The following DPY19L3 variants were observed in gnomAD, a reference collection of about 807,000 sequenced individuals.
DPY19L3 encodes dpy-19 like C-mannosyltransferase 3, also known as protein C-mannosyl-transferase DPY19L3.
In DPY19L3, 51 loss-of-function variants were observed where a neutral mutation model predicts 92.3. The observed-to-expected ratio is 0.55, with a 90% CI of 0.44 to 0.70. DPY19L3 has a LOEUF of 0.70. Ranked by LOEUF, DPY19L3 falls within the 30% of genes least tolerant of loss-of-function variation. DPY19L3 has a pLI of 0.00. For missense variants in DPY19L3, 706 were observed against 855.9 expected, an observed-to-expected ratio of 0.82 and a Z score of 2.18; for synonymous variants, 309 against 315.2, an observed-to-expected ratio of 0.98 and a Z score of 0.21.
At chr19:32,410,436 T>A (rs958906883) in intron 2 of DPY19L3, among the ~76,000 whole-genome samples, 1 of 152,214 alleles carries the variant, frequency 6.6e-6, no homozygotes, top group Middle Eastern at 3.4e-3. Flanking sequence ...ATTCTGTGGG[T>A]TTTTCCCCCC....
At chr19:32,433,374 G>A (rs1969031954) in intron 4 of DPY19L3, among the ~76,000 whole-genome samples, 1 of 152,124 alleles carries the variant, frequency 6.6e-6, no homozygotes, top group Admixed American at 6.5e-5. Context: ...GGCTTTATTT[G>A]GAGTCAGCTT....
intron 3 of DPY19L3, among the ~76,000 whole-genome samples, chr19:32,420,354 G>T (rs536747042): frequency 6.6e-6 from 1 of 152,270 alleles, no homozygotes; most frequent in South Asian, 2.1e-4. Flanking sequence ...ATGACTTCCG[G>T]AGCTTGCCTT....
intron 3 of DPY19L3, among the ~76,000 whole-genome samples, chr19:32,418,167 C>A (rs1169398675): frequency 6.6e-6 from 1 of 152,218 alleles, no homozygotes; most frequent in Non-Finnish European, 1.5e-5. Flanking sequence ...TTTCCCCACC[C>A]ACCACCCTTG....
intron 3 of DPY19L3, among the ~76,000 whole-genome samples, chr19:32,423,370 G>C (rs1729000952): frequency 6.7e-6 from 1 of 148,380 alleles, no homozygotes; most frequent in African/African-American, 2.5e-5. Context: ...CCAGTACTTG[G>C]GATTATAGGC....
Position 32,463,398 on chromosome 19 carries a change from T to C in DPY19L3, c.1355T>C (p.Met452Thr), listed in dbSNP as rs1474537599. The change falls in exon 13 of 19, where the codon ATG becomes ACG. Residue 452 changes from methionine to threonine, a missense_variant. Physicochemically the swap from Met to Thr is moderately conservative, Grantham distance 81. Coordinates refer to ENST00000392250, the MANE Select transcript of DPY19L3 (RefSeq NM_001172774.2). ...DSTNQQSVGK[M>T]EKGTVDLKPE... The stretch of plus-strand genomic sequence containing the variant: ...ACAAATCAACAATCCGTGGGTAAAA[T>C]GGAAAAAGGCACAGTTGACCTGAAA... The C allele has an allele frequency of 1.9e-6, 3 of 1,613,680 alleles. No individual in the cohort carries two copies. The highest frequency in any genetic ancestry group is 2.5e-6 in the Non-Finnish European group (3 of 1,179,798).
intron 3 of DPY19L3, among the ~76,000 whole-genome samples, chr19:32,427,045 G>A (rs1022829504): frequency 6.6e-6 from 1 of 152,184 alleles, no homozygotes; most frequent in Non-Finnish European, 1.5e-5. Flanking sequence ...CCAGTCTGGA[G>A]TGCAGAGGTG....
At chr19:32,470,856 G>A (rs892069613) in intron 16 of DPY19L3, among the ~76,000 whole-genome samples, 10 of 91,056 alleles carry the variant, frequency 1.1e-4, no homozygotes, top group African/African-American at 4.5e-4. Flanking sequence ...TTGTTCTATT[G>A]TGATCTAGTC....
intron 12 of DPY19L3, among the ~76,000 whole-genome samples, chr19:32,459,339 C>G (rs1413661251): frequency 6.6e-6 from 1 of 152,138 alleles, no homozygotes; most frequent in Admixed American, 6.6e-5. Context: ...ATGAAGCTCA[C>G]GAGGAAGCCC....
chr19:32,441,425 G>A (rs922340794), intron 8 of DPY19L3, among the ~76,000 whole-genome samples: 1 of 151,642 alleles, frequency 6.6e-6, no homozygotes, highest in Non-Finnish European at 1.5e-5. Flanking sequence ...TCAGCTACAC[G>A]ATTGATGTTC....
At chr19:32,416,143 C>T (rs773526907) in intron 3 of DPY19L3, among the ~76,000 whole-genome samples, 3 of 152,168 alleles carry the variant, frequency 2.0e-5, no homozygotes, top group Non-Finnish European at 4.4e-5. Context: ...TCACTTAGGG[C>T]TTTGAGGCTG....
intron 17 of DPY19L3, chr19:32,479,581 G>T (rs1418790953): frequency 2.3e-6 from 1 of 433,872 alleles, no homozygotes. Flanking sequence ...GACACATCAA[G>T]TTAGACCCTC....
chr19:32,445,440 CAAAAA>C (rs71336904), intron 8 of DPY19L3, among the ~76,000 whole-genome samples: 30 of 42,824 alleles, frequency 7.0e-4, no homozygotes, highest in East Asian at 1.7e-3. Context: ...GACTTCATCT[CAAAAA>C]AAAAAAAAAA....
intron 2 of DPY19L3, 148 bp downstream of exon 2, chr19:32,408,504 T>C: frequency 1.6e-6 from 1 of 624,294 alleles, no homozygotes; most frequent in East Asian, 2.7e-5. Context: ...TTTGATTAGA[T>C]TGATTTTACA....
At position 32,463,344 on chromosome 19, in the gene DPY19L3, T is replaced by TGTATGTTGC. The variant is rs755530021; in HGVS notation, c.1323-21_1323-13dup. ...AAAATTATGTTTCCAGCTTAAATTT[T>TGTATGTTGC]GTATGTTGCTGTTTTACTCAGTGAT... On this transcript the variant is annotated intron_variant, in intron 12 of 18. Transcript: ENST00000392250. 4 of 1,611,934 alleles carry TGTATGTTGC rather than the reference T, an allele frequency of 2.5e-6. No homozygotes were observed. The East Asian group carries it at 8.9e-5, about 36-fold the overall frequency.
At chr19:32,431,010 C>G (rs569411151) in intron 3 of DPY19L3, among the ~76,000 whole-genome samples, 80 of 152,196 alleles carry the variant, frequency 5.3e-4, no homozygotes, top group Admixed American at 1.3e-3. Context: ...AAAAGAAGTT[C>G]ATCAGCTAGA....
intron 3 of DPY19L3, among the ~76,000 whole-genome samples, chr19:32,429,082 C>G (rs1968871934): frequency 6.6e-6 from 1 of 152,068 alleles, no homozygotes; most frequent in Admixed American, 6.6e-5. Flanking sequence ...CTCCTGACCT[C>G]AGGATCCACC....
intron 3 of DPY19L3, chr19:32,413,022 G>C (rs1968246057): frequency 6.6e-6 from 1 of 151,852 alleles, no homozygotes; most frequent in African/African-American, 2.4e-5. Flanking sequence ...AACATTTCTA[G>C]AACTCCTCTT....
At chr19:32,449,937 G>A (rs981870987) in intron 8 of DPY19L3, among the ~76,000 whole-genome samples, 1 of 152,156 alleles carries the variant, frequency 6.6e-6, no homozygotes, top group Admixed American at 6.5e-5. Context: ...TAAAACTGTT[G>A]TACTCAAAAG....
chr19:32,417,398 C>T (rs1968415277), intron 3 of DPY19L3, among the ~76,000 whole-genome samples: 1 of 152,262 alleles, frequency 6.6e-6, no homozygotes, highest in African/African-American at 2.4e-5. Context: ...CAGCTCACTG[C>T]AGCCTCCGCC....
Sources: gnomAD v4.1 joint callset for allele counts (sites outside exome capture counted in the v4.1 genomes callset) on GRCh38, gnomAD v4.1.1 for gene constraint, MANE v1.5 for transcripts, NCBI Gene and HGNC (gene_info 2026-07-23, HGNC 2026-07-21) for gene names.